The following FAM81B variants were observed in gnomAD, a reference collection of about 807,000 sequenced individuals.
FAM81B encodes the protein family with sequence similarity 81 member B, also known as protein FAM81B.
In FAM81B, 60 loss-of-function variants were observed where a neutral mutation model predicts 58.7. That is an observed-to-expected ratio of 1.02 (90% confidence interval 0.83 to 1.27). The LOEUF (loss-of-function observed/expected upper bound fraction) is 1.27. FAM81B is among the 50% of genes most tolerant of loss of function. FAM81B has a pLI of 0.00. For synonymous variants in FAM81B, 189 were observed against 179.6 expected, an observed-to-expected ratio of 1.05 and a Z score of -0.42; for missense variants, 491 against 522.0, an observed-to-expected ratio of 0.94 and a Z score of 0.58.
intron 5 of FAM81B, among the ~76,000 whole-genome samples, chr5:95,421,984 T>G (rs183079169): frequency 6.6e-6 from 1 of 151,512 alleles, no homozygotes; most frequent in Non-Finnish European, 1.5e-5. Flanking sequence ...AGAAACAGAG[T>G]AATAAAATGT....
intron 3 of FAM81B, among the ~76,000 whole-genome samples, chr5:95,403,037 T>C (rs1367174680): frequency 6.6e-6 from 1 of 152,256 alleles, no homozygotes; most frequent in Admixed American, 6.5e-5. Context: ...CATAGTTCAC[T>C]ACTTTAGCAC....
At chr5:95,433,516 C>T (rs933701264) in intron 6 of FAM81B, among the ~76,000 whole-genome samples, 1 of 152,016 alleles carries the variant, frequency 6.6e-6, no homozygotes, top group Non-Finnish European at 1.5e-5. Flanking sequence ...AAGTTTTTTC[C>T]CCACCCTCTG....
At position 95,436,915 on chromosome 5, in the gene FAM81B, A is replaced by G. The variant is rs200262905; in HGVS notation, c.893+9A>G. 2.5e-6 allele frequency: 4 copies of G among 1,601,370 alleles called. No homozygotes were observed. In the African/African-American group the frequency reaches 5.4e-5, roughly 21 times the overall value. ...AACCTTTTGGAATTCAAGTAAGTGA[A>G]TAGAAGATTTTTAATTCTGTTAAGT... is the stretch of plus-strand genomic sequence containing the variant. On this transcript the variant is annotated intron_variant, in intron 7 of 9. Coordinates refer to ENST00000283357, the MANE Select transcript of FAM81B (RefSeq NM_152548.3).
Position 95,428,626 on chromosome 5 carries a change from T to C in FAM81B, c.680T>C (p.Leu227Pro). 4 of 1,614,018 alleles carry C rather than the reference T, an allele frequency of 2.5e-6. No homozygotes were observed. Among genetic ancestry groups the C allele is most frequent in the Non-Finnish European group, 3.4e-6 (4 of 1,179,862 alleles). Residue 227 changes from leucine (L) to proline (P), a missense_variant, in exon 6 of 10, where the codon CTT (leucine) becomes CCT (proline). By Grantham distance (98) the Leu-to-Pro change is moderately conservative. Coordinates refer to ENST00000283357, the MANE Select transcript of FAM81B (RefSeq NM_152548.3). ...AGATGTGATTCAAGCATTGTGAAGC[T>C]TTCTGGAGACATTCACTTATTCAGG... The part of the protein sequence containing the change: ...VARCDSSIVK[L>P]SGDIHLFRQE...
chr5:95,426,094 GTA>G (rs57076025), intron 5 of FAM81B, among the ~76,000 whole-genome samples: 11,112 of 120,108 alleles, frequency 0.093, 560 homozygotes, highest in South Asian at 0.2. Context: ...ATCTCTGTGT[GTA>G]TATATATATA....
intron 6 of FAM81B, among the ~76,000 whole-genome samples, chr5:95,429,452 A>G (rs1744783741): frequency 6.6e-6 from 1 of 152,232 alleles, no homozygotes; most frequent in Non-Finnish European, 1.5e-5. Flanking sequence ...TTTGGGCAGA[A>G]CAAAGTAGAC....
At chr5:95,421,547 G>A (rs180804471) in intron 5 of FAM81B, among the ~76,000 whole-genome samples, 1 of 152,254 alleles carries the variant, frequency 6.6e-6, no homozygotes, top group East Asian at 1.9e-4. Context: ...TGGAGGATGA[G>A]GGGTCTTGTA....
intron 7 of FAM81B, among the ~76,000 whole-genome samples, chr5:95,437,341 T>TTTA (rs894662774): frequency 4.0e-5 from 6 of 151,840 alleles, no homozygotes; most frequent in East Asian, 1.9e-4. Context: ...TTATCATTAT[T>TTTA]TTATTATTAT....
chr5:95,431,437 ATAAT>A (rs1284568375), intron 6 of FAM81B, among the ~76,000 whole-genome samples: 11 of 152,152 alleles, frequency 7.2e-5, no homozygotes, highest in Non-Finnish European at 1.3e-4. Flanking sequence ...GTTTCCTGGT[ATAAT>A]TAGTTGTTTT....
chr5:95,426,770 C>T (rs1173177322), intron 5 of FAM81B, among the ~76,000 whole-genome samples: 5 of 152,136 alleles, frequency 3.3e-5, no homozygotes, highest in Admixed American at 6.5e-5. Context: ...TGTCCCAGGC[C>T]GGGCGCGGTG....
chr5:95,399,127 G>T (rs557580570), intron 3 of FAM81B, among the ~76,000 whole-genome samples: 15 of 152,304 alleles, frequency 9.8e-5, no homozygotes, highest in African/African-American at 3.6e-4. Flanking sequence ...ATGAGGGTCT[G>T]GCTGACAGCC....
At chr5:95,443,312 T>C (rs2152770316) in intron 7 of FAM81B, among the ~76,000 whole-genome samples, 1 of 152,252 alleles carries the variant, frequency 6.6e-6, no homozygotes, top group South Asian at 2.1e-4. Flanking sequence ...GCTCTCGGTG[T>C]GTACTTTAAT....
At chr5:95,394,964 C>T (rs1392102914) in intron 2 of FAM81B, among the ~76,000 whole-genome samples, 2 of 152,002 alleles carry the variant, frequency 1.3e-5, no homozygotes, top group East Asian at 1.9e-4. Flanking sequence ...ATATTCTGCC[C>T]ACCATTATAG....
At chr5:95,396,493 T>C (rs576306871) in intron 3 of FAM81B, 5 of 190,390 alleles carry the variant, frequency 2.6e-5, no homozygotes, top group South Asian at 1.8e-4. Flanking sequence ...TAGCTAACTA[T>C]TGACTTCAAA....
At chr5:95,391,647 T>A in intron 1 of FAM81B, 134 bp downstream of exon 1, 2 of 952,456 alleles carry the variant, frequency 2.1e-6, no homozygotes, top group Admixed American at 3.1e-5. Flanking sequence ...GAGTAATAAC[T>A]TAAACAAATG....
At chr5:95,408,445 T>C (rs1481421799) in intron 3 of FAM81B, among the ~76,000 whole-genome samples, 2 of 152,232 alleles carry the variant, frequency 1.3e-5, no homozygotes, top group African/African-American at 4.8e-5. Flanking sequence ...CAACATAGAA[T>C]TATCAGGTAT....
intron 6 of FAM81B, among the ~76,000 whole-genome samples, chr5:95,435,263 G>C (rs1481858854): frequency 2.0e-5 from 3 of 152,076 alleles, no homozygotes; most frequent in Non-Finnish European, 4.4e-5. Flanking sequence ...ATCAAGAGTG[G>C]GTTTTTTGTT....
chr5:95,445,174 C>T (rs1230611624), intron 7 of FAM81B, among the ~76,000 whole-genome samples: 1 of 152,150 alleles, frequency 6.6e-6, no homozygotes, highest in Non-Finnish European at 1.5e-5. Flanking sequence ...TAATTAATTT[C>T]CAATGATAAA....
chr5:95,446,977 C>A (rs1385169920), intron 8 of FAM81B, among the ~76,000 whole-genome samples: 2 of 151,666 alleles, frequency 1.3e-5, no homozygotes, highest in African/African-American at 4.8e-5. Context: ...GATTGCCACC[C>A]CAGACCCAGA....
Sources: gnomAD v4.1 joint callset for allele counts (sites outside exome capture counted in the v4.1 genomes callset) on GRCh38, gnomAD v4.1.1 for gene constraint, MANE v1.5 for transcripts, NCBI Gene and HGNC (gene_info 2026-07-23, HGNC 2026-07-21) for gene names.